Variants in TMEM167A observed in about 807,000 individuals in gnomAD.
TMEM167A encodes the protein transmembrane protein 167A, also known as protein kish-A.
Under a neutral mutation model 11.6 loss-of-function variants are expected in TMEM167A, and 8 were observed. The observed-to-expected ratio is 0.69, with a 90% CI of 0.40 to 1.24. TMEM167A has a LOEUF of 1.24. TMEM167A is among the 50% of genes most tolerant of loss of function. The pLI is 0.01. For missense variants in TMEM167A, 62 were observed against 87.0 expected (o/e 0.71, Z 1.14); for synonymous variants, 22 against 28.0 (o/e 0.79, Z 0.67).
intron 2 of TMEM167A, among the ~76,000 whole-genome samples, chr5:83,062,790 A>G (rs938878886): frequency 6.6e-6 from 1 of 151,960 alleles, no homozygotes; most frequent in Non-Finnish European, 1.5e-5. Context: ...TGTTACGTAA[A>G]TTCGAATTAT....
intron 1 of TMEM167A, among the ~76,000 whole-genome samples, chr5:83,066,017 A>G (rs1693866018): frequency 6.6e-6 from 1 of 152,178 alleles, no homozygotes; most frequent in African/African-American, 2.4e-5. Flanking sequence ...TGTTACCTTT[A>G]TTATAATATT....
At chr5:83,060,796 A>C (rs923948793) in intron 3 of TMEM167A, among the ~76,000 whole-genome samples, 10 of 151,150 alleles carry the variant, frequency 6.6e-5, no homozygotes, top group Non-Finnish European at 1.2e-4. Context: ...GTGCCACTGC[A>C]CTCCAGCCTG....
Position 83,057,033 on chromosome 5 carries a change from C to T in TMEM167A, c.*51G>A. On this transcript the variant is annotated 3_prime_UTR_variant, in exon 4 of 4. Transcript: ENST00000502346. Reference sequence around the variant, plus strand: ...CTTTCCATTATTTTCTGCAGTCAGTCCTTGTTCACAATCAAATCTGATGGC... The same window carrying T: ...CTTTCCATTATTTTCTGCAGTCAGTTCTTGTTCACAATCAAATCTGATGGC... 1 of 1,511,358 alleles carries T rather than the reference C, an allele frequency of 6.6e-7. No homozygotes were observed. Among genetic ancestry groups the T allele is most frequent in the Non-Finnish European group, 9.2e-7 (1 of 1,089,752 alleles). The allele number at this position is 1,511,358 out of a possible 1,614,324, so 93.6% of individuals were successfully genotyped here. A position where few individuals can be genotyped will look rare whatever the true frequency, so the allele number is the denominator to read the frequency against.
At chr5:83,057,819 T>C (rs540505125) in intron 3 of TMEM167A, among the ~76,000 whole-genome samples, 82 of 152,258 alleles carry the variant, frequency 5.4e-4, no homozygotes, top group Non-Finnish European at 1.1e-3. Context: ...TGTATTTGGA[T>C]GCTTTCCTTT....
At chr5:83,069,696 T>C (rs527935024) in intron 1 of TMEM167A, among the ~76,000 whole-genome samples, 2 of 152,236 alleles carry the variant, frequency 1.3e-5, no homozygotes, top group East Asian at 3.9e-4. Flanking sequence ...AATGTGTATG[T>C]TATAGAACAC....
intron 2 of TMEM167A, 28 bp downstream of exon 2, chr5:83,064,980 G>T: frequency 2.4e-6 from 3 of 1,264,046 alleles, no homozygotes; most frequent in Non-Finnish European, 3.4e-6. Context: ...GAACTAATTT[G>T]GGTGATTAGA....
chr5:83,068,325 C>T (rs17284134), intron 1 of TMEM167A, among the ~76,000 whole-genome samples: 47,915 of 151,924 alleles, frequency 0.32, 8,839 homozygotes, highest in Non-Finnish European at 0.42. Flanking sequence ...CTGATATTCA[C>T]TGAGTACTTG....
intron 1 of TMEM167A, 62 bp downstream of exon 1, chr5:83,077,259 C>G: frequency 6.2e-7 from 1 of 1,613,790 alleles, no homozygotes; most frequent in South Asian, 1.1e-5. Flanking sequence ...AACTCCAGCC[C>G]TAGTCTAGAT....
At chr5:83,061,766 A>G (rs1744410151) in intron 3 of TMEM167A, 111 bp downstream of exon 3, 4 of 1,087,458 alleles carry the variant, frequency 3.7e-6, no homozygotes, top group Non-Finnish European at 4.1e-6. Flanking sequence ...AATGCATAAA[A>G]TTGGGAAGCC....
intron 3 of TMEM167A, among the ~76,000 whole-genome samples, chr5:83,058,187 C>T (rs1171668780): frequency 6.6e-6 from 1 of 151,986 alleles, no homozygotes; most frequent in Non-Finnish European, 1.5e-5. Flanking sequence ...TTCATCCTGA[C>T]CATCTTTATT....
intron 1 of TMEM167A, among the ~76,000 whole-genome samples, chr5:83,065,476 T>C (rs1416013191): frequency 6.6e-6 from 1 of 152,168 alleles, no homozygotes; most frequent in Admixed American, 6.5e-5. Context: ...ACTAGGCTAA[T>C]AGATTTTGGA....
intron 1 of TMEM167A, among the ~76,000 whole-genome samples, chr5:83,066,138 A>G (rs1744478115): frequency 6.6e-6 from 1 of 152,222 alleles, no homozygotes; most frequent in African/African-American, 2.4e-5. Context: ...GAAAAAAATA[A>G]AATGAAATTA....
chr5:83,067,035 C>T (rs1744493385), intron 1 of TMEM167A, among the ~76,000 whole-genome samples: 2 of 152,190 alleles, frequency 1.3e-5, no homozygotes, highest in South Asian at 2.1e-4. Context: ...TTTTTCTTAA[C>T]CAATTACCCA....
rs374718267 is a variant in TMEM167A, at chr5:83,057,187, A to C, written c.149-33T>G. ...AAAAAAGGAGATGTTCATCTTGATT[A>C]ACTGAGTGGCTAACCTGGCTATGAC... On this transcript the variant is annotated intron_variant, in intron 3 of 3. Coordinates refer to ENST00000502346, the MANE Select transcript of TMEM167A (RefSeq NM_174909.5). 7.5e-6 allele frequency: 12 copies of C among 1,593,636 alleles called. No individual in the cohort carries two copies. The African/African-American group carries it at 1.6e-4, about 21-fold the overall frequency.
At chr5:83,061,753 G>A (rs1006604028) in intron 3 of TMEM167A, 124 bp downstream of exon 3, 73 of 966,304 alleles carry the variant, frequency 7.6e-5, no homozygotes, top group Non-Finnish European at 1.0e-4. Flanking sequence ...AAACTTTTGC[G>A]AAAATGCATA....
At position 83,060,815 on chromosome 5, in the gene TMEM167A, T is replaced by C. The variant is rs374378640; in HGVS notation, c.148+1062A>G. Among the ~76,000 whole-genome samples, 14 of 146,990 alleles carry C rather than the reference T, an allele frequency of 9.5e-5. 1 individual carries two copies. In the East Asian group the frequency reaches 2.5e-3, roughly 27 times the overall value. On this transcript the variant is annotated intron_variant, in intron 3 of 3. Coordinates refer to ENST00000502346, the MANE Select transcript of TMEM167A (RefSeq NM_174909.5). ...CACTGCACTCCAGCCTGGGCAACAC[T>C]GCAAGACTCCATCTCCAAAAAAAAA...
chr5:83,061,078 T>A (rs1295441936), intron 3 of TMEM167A, among the ~76,000 whole-genome samples: 1 of 152,182 alleles, frequency 6.6e-6, no homozygotes, highest in Non-Finnish European at 1.5e-5. Context: ...TAAGATCAAG[T>A]GTAGTACTTT....
chr5:83,057,486 CTCAAT>C (rs1744348973), intron 3 of TMEM167A, among the ~76,000 whole-genome samples: 1 of 152,010 alleles, frequency 6.6e-6, no homozygotes, highest in South Asian at 2.1e-4. Flanking sequence ...ACGATCTCAA[CTCAAT>C]TGAGGCCAAA....
At chr5:83,071,450 T>TTCAGCATTAGAAAAGTGGG (rs1561304727) in intron 1 of TMEM167A, 1 of 152,198 alleles carries the variant, frequency 6.6e-6, no homozygotes, top group Non-Finnish European at 1.5e-5. Context: ...ATCAAAATTA[T>TTCAGCATTAGAAAAGTGGG]TCAGCATTAG....
Sources: allele counts gnomAD v4.1 joint callset (sites outside exome capture counted in the v4.1 genomes callset), GRCh38; gene constraint gnomAD v4.1.1; transcripts MANE v1.5; gene names NCBI Gene and HGNC (gene_info 2026-07-23, HGNC 2026-07-21).